Variants in CDC42SE2 observed in about 807,000 individuals in gnomAD.
The protein encoded by CDC42SE2 is CDC42 small effector protein 2.
CDC42SE2 carries 3 observed loss-of-function variants against 11.5 expected under a neutral mutation model. The ratio of observed to expected loss-of-function variants is 0.26; its 90% CI spans 0.12 to 0.67. CDC42SE2 has a LOEUF of 0.67. CDC42SE2 is among the 30% of genes least tolerant of loss of function. The probability of loss-of-function intolerance (pLI) is 0.80; values close to 1 mark genes in which losing one functional copy is unlikely to be tolerated. For missense variants in CDC42SE2, 82 were observed against 106.8 expected (o/e 0.77, Z 1.02); for synonymous variants, 33 against 34.8 (o/e 0.95, Z 0.18).
rs1750747982 is a variant in CDC42SE2, at chr5:131,393,776, C to G, written c.*2685C>G. The G allele has an allele frequency of 6.7e-6, 1 of 150,046 alleles. No individual in the cohort carries two copies. The allele number at this position is 150,046 out of a possible 1,614,324, so 9.3% of individuals were successfully genotyped here. ...AACAATAGTACGGGAAGCCGTGATC[C>G]TTTTCCCTGACTCATGATTTTAGTC... is the stretch of plus-strand genomic sequence containing the variant. On this transcript the variant is annotated 3_prime_UTR_variant, in exon 5 of 5. Coordinates refer to ENST00000505065, the MANE Select transcript of CDC42SE2 (RefSeq NM_001375635.1).
chr5:131,389,595 T>G (rs550588054), intron 4 of CDC42SE2, among the ~76,000 whole-genome samples: 1 of 152,378 alleles, frequency 6.6e-6, no homozygotes, highest in African/African-American at 2.4e-5. Context: ...TATTGAAACC[T>G]GACTTACTCA....
chr5:131,361,060 A>AGTTT (rs549048767), intron 3 of CDC42SE2, among the ~76,000 whole-genome samples: 8 of 141,104 alleles, frequency 5.7e-5, no homozygotes, highest in Non-Finnish European at 9.3e-5. Flanking sequence ...TAAATCTTAG[A>AGTTT]GTTTGTTTGT....
intron 1 of CDC42SE2, among the ~76,000 whole-genome samples, chr5:131,309,177 G>A (rs1016080199): frequency 6.6e-6 from 1 of 152,170 alleles, no homozygotes; most frequent in Admixed American, 6.5e-5. Context: ...TTTTGTCAAA[G>A]GCCTTTTCTG....
chr5:131,244,792 T>C (rs1171533295), upstream of CDC42SE2, among the ~76,000 whole-genome samples: 1 of 152,028 alleles, frequency 6.6e-6, no homozygotes, highest in Non-Finnish European at 1.5e-5. Context: ...CCACCAGCCC[T>C]CAAAAATTAA....
intron 3 of CDC42SE2, among the ~76,000 whole-genome samples, chr5:131,371,928 G>A (rs778040372): frequency 6.6e-6 from 1 of 152,116 alleles, no homozygotes; most frequent in Non-Finnish European, 1.5e-5. Context: ...TAGTTCAAAT[G>A]CTTTCATATA....
intron 1 of CDC42SE2, among the ~76,000 whole-genome samples, chr5:131,270,214 A>T (rs904007531): frequency 1.3e-5 from 2 of 151,774 alleles, no homozygotes; most frequent in Admixed American, 1.3e-4. Context: ...CTCTACTAAA[A>T]GATACAAAAA....
At chr5:131,386,959 A>G (rs1212331892) in intron 4 of CDC42SE2, among the ~76,000 whole-genome samples, 4 of 152,228 alleles carry the variant, frequency 2.6e-5, no homozygotes, top group African/African-American at 7.2e-5. Context: ...AAGGAATGAC[A>G]TTTGAACCTT....
At chr5:131,246,456 A>G (rs1324045943) in intron 1 of CDC42SE2, among the ~76,000 whole-genome samples, 1 of 152,168 alleles carries the variant, frequency 6.6e-6, no homozygotes, top group East Asian at 1.9e-4. Flanking sequence ...CTCTGTCCCA[A>G]AAAAATAAAA....
At chr5:131,303,463 A>G (rs1303977413) in intron 1 of CDC42SE2, among the ~76,000 whole-genome samples, 4 of 152,238 alleles carry the variant, frequency 2.6e-5, no homozygotes, top group Middle Eastern at 3.2e-3. Context: ...TGGAAGACCT[A>G]TGCCTTTGGC....
intron 3 of CDC42SE2, among the ~76,000 whole-genome samples, chr5:131,370,060 A>T (rs547778066): frequency 2.0e-5 from 3 of 152,194 alleles, no homozygotes; most frequent in African/African-American, 7.2e-5. Flanking sequence ...TTTAAAAGAG[A>T]TGAAAAATAA....
At chr5:131,365,799 G>GCACA (rs1749836535) in intron 3 of CDC42SE2, among the ~76,000 whole-genome samples, 2 of 152,196 alleles carry the variant, frequency 1.3e-5, no homozygotes, top group East Asian at 1.9e-4. Context: ...TGGCTAATGT[G>GCACA]GTGAAACCCC....
At chr5:131,363,802 TCTC>T (rs1040490286) in intron 3 of CDC42SE2, among the ~76,000 whole-genome samples, 2 of 151,542 alleles carry the variant, frequency 1.3e-5, no homozygotes, top group Non-Finnish European at 2.9e-5. Flanking sequence ...TTCAGACAAT[TCTC>T]CTGCCTCAGC....
At chr5:131,278,564 C>G (rs1757151567) in intron 1 of CDC42SE2, among the ~76,000 whole-genome samples, 1 of 151,024 alleles carries the variant, frequency 6.6e-6, no homozygotes, top group Non-Finnish European at 1.5e-5. Flanking sequence ...TACAGCATGG[C>G]AGACTGCAGA....
chr5:131,286,835 G>C (rs192369550), intron 1 of CDC42SE2, among the ~76,000 whole-genome samples: 32 of 151,196 alleles, frequency 2.1e-4, no homozygotes, highest in Middle Eastern at 3.4e-3. Flanking sequence ...CATGTTAATG[G>C]ACTGTTTCTG....
At chr5:131,293,742 A>G (rs545500177) in intron 1 of CDC42SE2, among the ~76,000 whole-genome samples, 2 of 152,268 alleles carry the variant, frequency 1.3e-5, no homozygotes, top group East Asian at 3.9e-4. Context: ...ACAAGTAAGA[A>G]CTTACTTTTC....
chr5:131,388,776 ACT>A (rs1005686164), intron 4 of CDC42SE2, among the ~76,000 whole-genome samples: 4 of 152,212 alleles, frequency 2.6e-5, no homozygotes, highest in South Asian at 2.1e-4. Flanking sequence ...GGAGAAAAAT[ACT>A]TTTTTTTTCT....
Position 131,359,492 on chromosome 5 carries a change from G to A in CDC42SE2, c.-2G>A, listed in dbSNP as rs1268706842. ...GGTGCTCATTTACTGTGGACTGTAA[G>A]CATGAGTGAATTCTGGTTGTGTTTC... On this transcript the variant is annotated 5_prime_UTR_variant, in exon 3 of 5. Transcript: ENST00000505065. The A allele has an allele frequency of 3.1e-6, 5 of 1,612,274 alleles. No individual in the cohort carries two copies. The highest frequency in any genetic ancestry group is 4.2e-6 in the Non-Finnish European group (5 of 1,178,424).
chr5:131,273,412 TCC>T (rs1757034413), intron 1 of CDC42SE2, among the ~76,000 whole-genome samples: 1 of 150,002 alleles, frequency 6.7e-6, no homozygotes, highest in Non-Finnish European at 1.5e-5. Context: ...CAGCTTGGCC[TCC>T]CAAAGTGCTG....
chr5:131,307,785 T>C (rs544097084), intron 1 of CDC42SE2, among the ~76,000 whole-genome samples: 1 of 152,332 alleles, frequency 6.6e-6, no homozygotes, highest in African/African-American at 2.4e-5. Flanking sequence ...GGTATGTCAT[T>C]GTGGTTTTGA....
Sources: allele counts gnomAD v4.1 joint callset (sites outside exome capture counted in the v4.1 genomes callset), GRCh38; gene constraint gnomAD v4.1.1; transcripts MANE v1.5; gene names NCBI Gene and HGNC (gene_info 2026-07-23, HGNC 2026-07-21).